The following CXorf38 variants were observed in gnomAD, a reference collection of about 807,000 sequenced individuals.
CXorf38 encodes chromosome X open reading frame 38.
In CXorf38, 13 loss-of-function variants were observed where a neutral mutation model predicts 27.5. The ratio of observed to expected loss-of-function variants is 0.47; its 90% CI spans 0.31 to 0.75. The LOEUF (loss-of-function observed/expected upper bound fraction) is 0.75. CXorf38 is among the 30% of genes least tolerant of loss of function. CXorf38 has a pLI of 0.05. For synonymous variants in CXorf38, 100 were observed against 99.8 expected (o/e 1.00, Z -0.01); for missense variants, 240 against 253.2 (o/e 0.95, Z 0.35).
intron 1 of CXorf38, 59 bp downstream of exon 1, chrX:40,647,246 A>G: frequency 1.1e-6 from 1 of 917,140 alleles, no homozygotes; most frequent in Non-Finnish European, 1.5e-6. Flanking sequence ...TGGGACAGGA[A>G]CGGGGATGAG....
At position 40,646,952 on chromosome X, in the gene CXorf38, CCG is replaced by C. The variant is rs1397112007; in HGVS notation, c.351+53_351+54del. On this transcript the variant is annotated intron_variant, in intron 2 of 6. Transcript: ENST00000327877. Reference sequence around the variant, plus strand: ...GCGACCACAAGACCAGATAGCCACCCCGAGTGCTGGGTGACCCGCCGCTTCCT... The same window carrying C: ...GCGACCACAAGACCAGATAGCCACCCAGTGCTGGGTGACCCGCCGCTTCCT... 8.5e-6 allele frequency: 10 copies of C among 1,174,507 alleles called. No individual in the cohort carries two copies. In the East Asian group the frequency reaches 3.1e-4, roughly 36 times the overall value.
intron 5 of CXorf38, among the ~76,000 whole-genome samples, chrX:40,632,980 C>T (rs745306369): frequency 6.3e-5 from 7 of 111,813 alleles, no homozygotes; most frequent in African/African-American, 9.8e-5. Context: ...AGGTAAAAGA[C>T]GCTCGGCAAC....
At chrX:40,645,828 G>A (rs1229369025) in intron 2 of CXorf38, among the ~76,000 whole-genome samples, 2 of 110,469 alleles carry the variant, frequency 1.8e-5, no homozygotes, top group Non-Finnish European at 3.8e-5. Flanking sequence ...ATGTTATCCA[G>A]GGTGGTCTTG....
At chrX:40,642,361 A>G (rs1404948603) in intron 2 of CXorf38, among the ~76,000 whole-genome samples, 1 of 111,772 alleles carries the variant, frequency 8.9e-6, no homozygotes, top group East Asian at 2.8e-4. Context: ...AAGAGAGGGC[A>G]GGGCTAGAGC....
At chrX:40,642,900 T>C (rs1928392668) in intron 2 of CXorf38, among the ~76,000 whole-genome samples, 1 of 109,786 alleles carries the variant, frequency 9.1e-6, no homozygotes, top group African/African-American at 3.3e-5. Context: ...GCCTCCCAAG[T>C]AGCTGGGATT....
intron 5 of CXorf38, among the ~76,000 whole-genome samples, chrX:40,634,238 C>T (rs1215693528): frequency 9.0e-6 from 1 of 111,039 alleles, no homozygotes; most frequent in Non-Finnish European, 1.9e-5. Context: ...CATTTTTTGG[C>T]TGGTTGGTCT....
At chrX:40,631,108 G>A (rs1013966934) in intron 5 of CXorf38, among the ~76,000 whole-genome samples, 6 of 109,702 alleles carry the variant, frequency 5.5e-5, no homozygotes, top group Non-Finnish European at 9.5e-5. Context: ...ATACACACCC[G>A]TGTGTGTGTA....
chrX:40,641,368 C>T lies in CXorf38; in HGVS notation c.352-2240G>A, dbSNP rs949769259. ...CTGGCATTTTCTCACCAATATAAGCCAATCTCTTCCATGTTAAAGTTTTTG... is the reference window on the plus strand; with the variant it reads ...CTGGCATTTTCTCACCAATATAAGCTAATCTCTTCCATGTTAAAGTTTTTG... On this transcript the variant is annotated intron_variant, in intron 2 of 6. Coordinates refer to ENST00000327877, the MANE Select transcript of CXorf38 (RefSeq NM_144970.3). Among the ~76,000 whole-genome samples the T allele has an allele frequency of 2.7e-5, 3 of 111,567 alleles. No homozygotes were observed. In the Admixed American group the frequency reaches 2.9e-4, roughly 11 times the overall value.
In CXorf38 at chrX:40,647,112, T is replaced by G. The variant is rs1397115520; in HGVS notation, c.246A>C (p.Glu82Asp). The G allele has an allele frequency of 2.5e-6, 3 of 1,212,176 alleles. No homozygotes were observed. Residue 82 changes from glutamate (E) to aspartate (D), a missense_variant, in exon 2 of 7, where the codon GAA (glutamate) becomes GAC (aspartate). Physicochemically the swap from Glu to Asp is conservative, Grantham distance 45. Transcript: ENST00000327877. ...GATGTCTCAAAATCTCCCTTTTCCA[T>G]TCAGCGCACACCTGACACTGAGGCT... ...QFQPQCQVCA[E>D]WKREILRHHV...
chrX:40,636,941 T>C, intron 4 of CXorf38, 66 bp downstream of exon 4: 1 of 1,000,698 alleles, frequency 1.0e-6, no homozygotes, highest in South Asian at 2.4e-5. Flanking sequence ...AAATTCTAAA[T>C]GTGTGGCTGT....
chrX:40,634,748 T>C (rs1223759813), intron 5 of CXorf38, among the ~76,000 whole-genome samples: 1 of 111,683 alleles, frequency 9.0e-6, no homozygotes, highest in Non-Finnish European at 1.9e-5. Flanking sequence ...ACCTCCAACT[T>C]TTTTGAGGTA....
At position 40,628,075 on chromosome X, in the gene CXorf38, G is replaced by A. The variant is rs772176123; in HGVS notation, c.*2089C>T. ...CTGAAATATTTCACTAAGTTTCCTC[G>A]TTTGGAAGAGTTGTGAGATGAATGA... On this transcript the variant is annotated 3_prime_UTR_variant, in exon 7 of 7. Coordinates refer to ENST00000327877, the MANE Select transcript of CXorf38 (RefSeq NM_144970.3). 8.9e-5 allele frequency: 10 copies of A among 111,791 alleles called. No homozygotes were observed. The highest frequency in any genetic ancestry group is 1.9e-4 in the Non-Finnish European group (10 of 53,207). The allele number at this position is 111,791 out of a possible 1,213,427, so 9.2% of individuals were successfully genotyped here.
Position 40,647,088 on chromosome X carries a change from A to G in CXorf38, c.270T>C (p.His90=). The change falls in exon 2 of 7, where the codon CAT becomes CAC. Residue 90 remains histidine (H), a synonymous_variant. Transcript: ENST00000327877. ...CAEWKREILR[H]HVNRNGDVHW... is the part of the protein sequence containing the mutation. ...GCACATCTCCATTTCTGTTGACATGATGTCTCAAAATCTCCCTTTTCCATT... is the reference window on the plus strand; with the variant it reads ...GCACATCTCCATTTCTGTTGACATGGTGTCTCAAAATCTCCCTTTTCCATT... 8.3e-7 allele frequency: 1 copy of G among 1,211,776 alleles called. No homozygotes were observed. The highest frequency in any genetic ancestry group is 1.1e-6 in the Non-Finnish European group (1 of 895,313).
At chrX:40,630,186 T>C in intron 6 of CXorf38, 24 bp from the exon 7 acceptor site, 1 of 113,588 alleles carries the variant, frequency 8.8e-6, no homozygotes, top group Non-Finnish European at 1.8e-5. Flanking sequence ...GAATGTTTTA[T>C]TTATTTTTTT....
Position 40,647,060 on chromosome X carries a change from A to G in CXorf38, c.298T>C (p.Trp100Arg). 8.3e-7 allele frequency: 1 copy of G among 1,211,374 alleles called. No homozygotes were observed. The highest frequency in any genetic ancestry group is 1.1e-6 in the Non-Finnish European group (1 of 895,041). The change falls in exon 2 of 7, where the codon TGG (tryptophan) becomes CGG (arginine). Residue 100 changes from tryptophan (W) to arginine (R), a missense_variant. Transcript: ENST00000327877. ...CAGCGGCCCGGCCGGCAGTTTCCCC[A>G]GTGCACATCTCCATTTCTGTTGACA... is the stretch of plus-strand genomic sequence containing the variant. ...HHVNRNGDVH[W>R]GNCRPGRWPV...
chrX:40,642,183 G>A (rs967545566), intron 2 of CXorf38, among the ~76,000 whole-genome samples: 3 of 110,990 alleles, frequency 2.7e-5, no homozygotes, highest in Admixed American at 9.7e-5. Context: ...GGTACTGAGA[G>A]GGAAAGAGCT....
chrX:40,632,359 G>A (rs770420085), intron 5 of CXorf38, among the ~76,000 whole-genome samples: 2 of 112,161 alleles, frequency 1.8e-5, no homozygotes, highest in South Asian at 7.3e-4. Flanking sequence ...GATGTGCTCT[G>A]TTCCACTTAG....
At chrX:40,643,632 G>C (rs1157410875) in intron 2 of CXorf38, among the ~76,000 whole-genome samples, 1 of 110,469 alleles carries the variant, frequency 9.1e-6, no homozygotes, top group Non-Finnish European at 1.9e-5. Flanking sequence ...CCTCAGCCTC[G>C]CGAGTAGCTG....
rs945202088 is a variant in CXorf38 at position 40,626,985 on chromosome X, C to T, written c.*3179G>A. 4 of 111,504 alleles carry T rather than the reference C, an allele frequency of 3.6e-5. No individual in the cohort carries two copies. The highest frequency in any genetic ancestry group is 9.8e-5 in the African/African-American group (3 of 30,666). The allele number at this position is 111,504 out of a possible 1,213,427, so 9.2% of individuals were successfully genotyped here. A position where few individuals can be genotyped will look rare whatever the true frequency, so the allele number is the denominator to read the frequency against. On this transcript the variant is annotated 3_prime_UTR_variant, in exon 7 of 7. Transcript: ENST00000327877. ...AAATTTAAAAACATTTCAAAATACA[C>T]CAGTACATGTTTGTTGTAAAAATTT...
Sources: gnomAD v4.1 joint callset for allele counts (sites outside exome capture counted in the v4.1 genomes callset) on GRCh38, gnomAD v4.1.1 for gene constraint, MANE v1.5 for transcripts, NCBI Gene and HGNC (gene_info 2026-07-23, HGNC 2026-07-21) for gene names.